RANBP2: variants seen among roughly 807,000 people sequenced by gnomAD.
RANBP2 encodes E3 SUMO-protein ligase RanBP2.
In RANBP2, 57 loss-of-function variants were observed where a neutral mutation model predicts 303.6. That is an observed-to-expected ratio of 0.19 (90% CI 0.15 to 0.23). The LOEUF (loss-of-function observed/expected upper bound fraction) is 0.23, where lower values mean the gene tolerates loss of function less well. Among genes scored for constraint, RANBP2 ranks in the 10% least tolerant of loss-of-function variants. The probability of loss-of-function intolerance (pLI) is 1.00; values close to 1 mark genes in which losing one functional copy is unlikely to be tolerated. For synonymous variants in RANBP2, 1,167 were observed against 1,301.5 expected (o/e 0.90, Z 2.23); for missense variants, 3,138 against 3,780.8 (o/e 0.83, Z 4.46).
chr2:109,398,079 A>T, the RANBP2 span, among the ~76,000 whole-genome samples: 5 of 152,292 alleles, frequency 3.3e-5, no homozygotes, highest in East Asian at 7.7e-4. Flanking sequence ...TGCTGACCAG[A>T]GCAGACTCCC....
chr2:108,961,886 A>C, the RANBP2 span, among the ~76,000 whole-genome samples: 2 of 152,188 alleles, frequency 1.3e-5, no homozygotes, highest in African/African-American at 4.8e-5. Context: ...AGTCCATAGC[A>C]AGCATAGCTG....
chr2:109,428,034 C>A, the RANBP2 span, among the ~76,000 whole-genome samples: 1 of 152,244 alleles, frequency 6.6e-6, no homozygotes, highest in Non-Finnish European at 1.5e-5. Flanking sequence ...CCCTCCCCAG[C>A]CCCCTGGCCT....
the RANBP2 span, among the ~76,000 whole-genome samples, chr2:109,383,449 A>T: frequency 6.6e-6 from 1 of 152,022 alleles, no homozygotes; most frequent in Non-Finnish European, 1.5e-5. Context: ...CAAGGTTGAC[A>T]CTCTGGGCCA....
At chr2:109,635,589 A>G in the RANBP2 span, among the ~76,000 whole-genome samples, 1 of 152,212 alleles carries the variant, frequency 6.6e-6, no homozygotes, top group Non-Finnish European at 1.5e-5. Context: ...GTTCATGAGG[A>G]GAGCCAGATG....
the RANBP2 span, among the ~76,000 whole-genome samples, chr2:109,376,264 G>T: frequency 6.6e-6 from 1 of 152,260 alleles, no homozygotes; most frequent in South Asian, 2.1e-4. Context: ...TTTGCAGTTG[G>T]ATGATGTCAA....
At chr2:108,897,099 C>A in the RANBP2 span, 3 of 1,614,146 alleles carry the variant, frequency 1.9e-6, no homozygotes, top group Non-Finnish European at 2.5e-6. Context: ...CAATCTCATC[C>A]CTCTTCAGGC....
At chr2:109,483,835 C>T in the RANBP2 span, among the ~76,000 whole-genome samples, 1 of 152,082 alleles carries the variant, frequency 6.6e-6, no homozygotes, top group Non-Finnish European at 1.5e-5. Flanking sequence ...CTGTGACTGT[C>T]CCCATCAGCA....
At chr2:109,102,938 C>G in the RANBP2 span, among the ~76,000 whole-genome samples, 1 of 152,054 alleles carries the variant, frequency 6.6e-6, no homozygotes, top group Non-Finnish European at 1.5e-5. Context: ...GTGAGAGGAG[C>G]GGATTGCAAC....
At chr2:109,619,199 A>AT in the RANBP2 span, among the ~76,000 whole-genome samples, 1 of 152,204 alleles carries the variant, frequency 6.6e-6, no homozygotes, top group Non-Finnish European at 1.5e-5. Context: ...TGTTAGTAAG[A>AT]TTATAAGAGT....
the RANBP2 span, among the ~76,000 whole-genome samples, chr2:108,871,611 T>G: frequency 6.6e-6 from 1 of 152,124 alleles, no homozygotes; most frequent in East Asian, 1.9e-4. Flanking sequence ...GTCCCATTTT[T>G]TGTACATTGT....
the RANBP2 span, among the ~76,000 whole-genome samples, chr2:109,495,440 C>T: frequency 2.0e-5 from 3 of 150,290 alleles, no homozygotes; most frequent in Admixed American, 6.6e-5. Context: ...CACTCTGGGC[C>T]ACCTACCGGC....
At chr2:109,163,196 C>T in the RANBP2 span, among the ~76,000 whole-genome samples, 39 of 152,186 alleles carry the variant, frequency 2.6e-4, 1 homozygote, top group Admixed American at 2.6e-3. Flanking sequence ...GGAATAGGAA[C>T]TCGCGGGCAG....
the RANBP2 span, among the ~76,000 whole-genome samples, chr2:108,855,609 C>G: frequency 6.6e-6 from 1 of 152,032 alleles, no homozygotes; most frequent in Non-Finnish European, 1.5e-5. Flanking sequence ...AAATTAAGTA[C>G]AGTAATGTTG....
At chr2:109,337,373 C>T in the RANBP2 span, among the ~76,000 whole-genome samples, 2 of 152,242 alleles carry the variant, frequency 1.3e-5, no homozygotes, top group African/African-American at 4.8e-5. Context: ...TGTCCTGTAA[C>T]TTCTCTGCAT....
the RANBP2 span, chr2:109,141,491 C>G: frequency 1.3e-5 from 2 of 155,012 alleles, no homozygotes. Flanking sequence ...TCCCAGTGAC[C>G]AGGCCCAGCC....
the RANBP2 span, among the ~76,000 whole-genome samples, chr2:109,391,413 G>A: frequency 6.6e-6 from 1 of 152,202 alleles, no homozygotes; most frequent in Non-Finnish European, 1.5e-5. Context: ...ACAGGCTCGG[G>A]GAGGGGTGCG....
At chr2:109,334,682 C>A in the RANBP2 span, among the ~76,000 whole-genome samples, 1 of 152,166 alleles carries the variant, frequency 6.6e-6, no homozygotes, top group African/African-American at 2.4e-5. Flanking sequence ...GGAAAGGAGA[C>A]CCACAGACAC....
the RANBP2 span, among the ~76,000 whole-genome samples, chr2:109,691,113 G>A: frequency 6.6e-6 from 1 of 152,156 alleles, no homozygotes; most frequent in Non-Finnish European, 1.5e-5. Context: ...CAGAACTTGA[G>A]GCTAAAAATA....
chr2:109,248,935 T>A, the RANBP2 span, among the ~76,000 whole-genome samples: 145 of 147,564 alleles, frequency 9.8e-4, 1 homozygote, highest in African/African-American at 3.4e-3. Context: ...CTGTCCTGTC[T>A]TGCTCTGTCA....
Sources: allele counts gnomAD v4.1 joint callset (sites outside exome capture counted in the v4.1 genomes callset), GRCh38; gene constraint gnomAD v4.1.1; transcripts MANE v1.5; gene names NCBI Gene and HGNC (gene_info 2026-07-23, HGNC 2026-07-21).